PDE1C: variants seen among roughly 807,000 people sequenced by gnomAD.
PDE1C encodes the protein dual specificity calcium/calmodulin-dependent 3',5'-cyclic nucleotide phosphodiesterase 1C.
In PDE1C, 62 loss-of-function variants were observed where a neutral mutation model predicts 93.1. The observed-to-expected ratio is 0.67, with a 90% CI of 0.54 to 0.82. PDE1C has a LOEUF of 0.82. Among genes scored for constraint, PDE1C ranks in the 40% least tolerant of loss-of-function variants. PDE1C has a pLI of 0.00. For missense variants in PDE1C, 742 were observed against 884.6 expected (o/e 0.84, Z 2.04); for synonymous variants, 325 against 310.1 (o/e 1.05, Z -0.50).
chr7:31,642,995 A>G, the PDE1C span: 1 of 1,614,028 alleles, frequency 6.2e-7, no homozygotes, highest in African/African-American at 1.3e-5. Flanking sequence ...CATCTGTGGC[A>G]GCTTCTGCCA....
intron 2 of PDE1C, among the ~76,000 whole-genome samples, chr7:31,909,306 G>A (rs1255971541): frequency 6.6e-6 from 1 of 152,066 alleles, no homozygotes; most frequent in African/African-American, 2.4e-5. Context: ...AAAATTACAA[G>A]ACATAAATAT....
chr7:31,741,403 T>C, the PDE1C span, among the ~76,000 whole-genome samples: 1 of 152,202 alleles, frequency 6.6e-6, no homozygotes, highest in Non-Finnish European at 1.5e-5. Context: ...GTTCCTATTC[T>C]AAAATAAATT....
At chr7:32,189,644 G>C (rs1164049306) in intron 2 of PDE1C, among the ~76,000 whole-genome samples, 2 of 152,188 alleles carry the variant, frequency 1.3e-5, no homozygotes, top group African/African-American at 2.4e-5. Context: ...TGAGCACTTG[G>C]AAGAGTGTGC....
intron 11 of PDE1C, 113 bp from the exon 12 acceptor site, chr7:31,828,486 A>T: frequency 4.6e-6 from 3 of 658,108 alleles, no homozygotes; most frequent in South Asian, 2.0e-5. Context: ...TAATTATTAC[A>T]ATTACATTAT....
chr7:32,415,725 G>GC (rs148115069), intron 1 of PDE1C, among the ~76,000 whole-genome samples: 27,104 of 151,946 alleles, frequency 0.18, 5,172 homozygotes, highest in African/African-American at 0.48. Flanking sequence ...GGAACAAAGC[G>GC]CTACGTCCTT....
At chr7:32,293,037 G>T (rs1479168277) in intron 1 of PDE1C, among the ~76,000 whole-genome samples, 1 of 152,110 alleles carries the variant, frequency 6.6e-6, no homozygotes, top group Non-Finnish European at 1.5e-5. Context: ...AAACCCTGGG[G>T]ATCACACCAC....
intron 2 of PDE1C, among the ~76,000 whole-genome samples, chr7:32,025,139 G>A (rs535239880): frequency 1.3e-5 from 2 of 152,246 alleles, no homozygotes; most frequent in South Asian, 4.1e-4. Context: ...TGGGCCACAA[G>A]CTTGGAATCA....
intron 1 of PDE1C, among the ~76,000 whole-genome samples, chr7:32,212,627 TCA>T (rs1806129169): frequency 6.6e-6 from 1 of 152,088 alleles, no homozygotes; most frequent in Non-Finnish European, 1.5e-5. Flanking sequence ...CACACGCCCT[TCA>T]CACACTCTTC....
intron 15 of PDE1C, 32 bp from the exon 16 acceptor site, chr7:31,809,140 G>A (rs918291280): frequency 8.3e-7 from 1 of 1,204,212 alleles, no homozygotes; most frequent in South Asian, 1.2e-5. Context: ...AACAGTATAT[G>A]TATGCAGCTG....
the PDE1C span, among the ~76,000 whole-genome samples, chr7:31,660,935 G>T: frequency 6.6e-6 from 1 of 151,772 alleles, no homozygotes; most frequent in Admixed American, 6.6e-5. Flanking sequence ...ACACATATAT[G>T]CCTATATATA....
At position 32,163,783 on chromosome 7, in the gene PDE1C, C is replaced by G. The variant is rs376106330; in HGVS notation, c.308+6002G>C. On this transcript the variant is annotated intron_variant, in intron 3 of 18. Transcript: ENST00000396193. ...TCAGGCCCACAGCCAGCATCACTCA[C>G]AAAGCATCCATAGGGCTCATATTCC... 6.6e-5 allele frequency among the ~76,000 whole-genome samples: 10 copies of G among 152,274 alleles called. 3 individuals are homozygous for G.
intron 1 of PDE1C, among the ~76,000 whole-genome samples, chr7:32,056,320 TTCTC>T (rs10648394): frequency 0.17 from 18,285 of 110,814 alleles, 1,484 homozygotes; most frequent in East Asian, 0.41. Context: ...GGGTCCACCG[TTCTC>T]TCTCTCTCTC....
At chr7:32,335,418 G>A (rs112463234) in intron 1 of PDE1C, among the ~76,000 whole-genome samples, 8 of 152,322 alleles carry the variant, frequency 5.3e-5, no homozygotes, top group African/African-American at 1.7e-4. Context: ...GCATTGGTTT[G>A]CTAGGGCTTC....
At chr7:31,998,793 T>C (rs1349051053) in intron 2 of PDE1C, among the ~76,000 whole-genome samples, 1 of 152,214 alleles carries the variant, frequency 6.6e-6, no homozygotes, top group African/African-American at 2.4e-5. Context: ...TCCCAGCCCC[T>C]GGCAAGTTTT....
At chr7:32,108,379 T>C (rs1036270964) in intron 3 of PDE1C, among the ~76,000 whole-genome samples, 2 of 148,274 alleles carry the variant, frequency 1.3e-5, no homozygotes, top group African/African-American at 2.5e-5. Flanking sequence ...AAAAATTCAG[T>C]CAAAACATTG....
At chr7:31,689,381 T>A in the PDE1C span, among the ~76,000 whole-genome samples, 1 of 152,242 alleles carries the variant, frequency 6.6e-6, no homozygotes, top group Middle Eastern at 3.4e-3. Flanking sequence ...TATGCAGGCA[T>A]GAAAGAAAGA....
chr7:32,327,060 C>T (rs1783417139), intron 1 of PDE1C, among the ~76,000 whole-genome samples: 1 of 152,158 alleles, frequency 6.6e-6, no homozygotes, highest in Admixed American at 6.5e-5. Flanking sequence ...GCCTCTCTTG[C>T]TCACAAGACA....
the PDE1C span, among the ~76,000 whole-genome samples, chr7:31,645,732 G>A: frequency 1.3e-5 from 2 of 152,088 alleles, no homozygotes; most frequent in Non-Finnish European, 2.9e-5. Context: ...GTGATGTTTG[G>A]AGACATTTTT....
chr7:31,681,645 A>T, the PDE1C span, among the ~76,000 whole-genome samples: 1 of 152,102 alleles, frequency 6.6e-6, no homozygotes, highest in African/African-American at 2.4e-5. Context: ...CTCTTAAAAG[A>T]TCCATGCTGT....
Sources: allele counts gnomAD v4.1 joint callset (sites outside exome capture counted in the v4.1 genomes callset), GRCh38; gene constraint gnomAD v4.1.1; transcripts MANE v1.5; gene names NCBI Gene and HGNC (gene_info 2026-07-23, HGNC 2026-07-21).